TTK: variants seen among roughly 807,000 people sequenced by gnomAD.
TTK encodes the protein TTK protein kinase.
Under a neutral mutation model 117.3 loss-of-function variants are expected in TTK, and 59 were observed. That is an observed-to-expected ratio of 0.50 (90% confidence interval 0.41 to 0.62). The LOEUF (loss-of-function observed/expected upper bound fraction) is 0.62. TTK is among the 20% of genes least tolerant of loss of function. TTK has a pLI of 0.00. For synonymous variants in TTK, 302 were observed against 325.0 expected (o/e 0.93, Z 0.76); for missense variants, 921 against 989.4 (o/e 0.93, Z 0.93).
intron 6 of TTK, 60 bp from the exon 7 acceptor site, chr6:80,011,669 A>T: frequency 6.3e-7 from 1 of 1,581,332 alleles, no homozygotes; most frequent in South Asian, 1.1e-5. Flanking sequence ...TTAGCAGTAG[A>T]GTAGAAATAC....
chr6:80,037,886 A>G, intron 17 of TTK, 81 bp from the exon 18 acceptor site: 1 of 579,556 alleles, frequency 1.7e-6, no homozygotes. Flanking sequence ...TAATAATAAT[A>G]ATAATAATAA....
chr6:80,027,933 G>T lies in TTK; in HGVS notation c.1443G>T (p.Leu481Phe), dbSNP rs778429201. ...VKNDFPPACQ[L>F]STPYGQPACF... ...ATGACTTTCCACCTGCTTGTCAGTT[G>T]TCAACACCTTATGGCCAACCTGCCT... The change falls in exon 13 of 22, where the codon TTG becomes TTT. Residue 481 changes from leucine to phenylalanine, a missense_variant. By Grantham distance (22) the Leu-to-Phe change is conservative. Coordinates refer to ENST00000369798, the MANE Select transcript of TTK (RefSeq NM_003318.5). 6.2e-7 allele frequency: 1 copy of T among 1,608,502 alleles called. No individual in the cohort carries two copies. The highest frequency in any genetic ancestry group is 1.1e-5 in the South Asian group (1 of 90,364).
intron 10 of TTK, among the ~76,000 whole-genome samples, chr6:80,019,838 T>C (rs905073253): frequency 3.3e-5 from 5 of 152,158 alleles, no homozygotes; most frequent in African/African-American, 7.2e-5. Context: ...TATATAGACA[T>C]AGACAAATAT....
Position 80,026,431 on chromosome 6 carries a change from A to G in TTK, c.1311A>G (p.Pro437=), listed in dbSNP as rs2230510. The G allele has an allele frequency of 7.7e-3, 12,417 of 1,613,778 alleles. 681 individuals are homozygous for G. In the African/African-American group the frequency reaches 0.13, roughly 17 times the overall value. The stretch of plus-strand genomic sequence containing the variant: ...TCTTTTCAGTTTCAAAACAGTCACC[A>G]CCAATATCAACATCTAAATGGTTTG... The part of the protein sequence containing the change: ...QPVFSVSKQS[P]PISTSKWFDP... Residue 437 remains proline, a synonymous_variant, in exon 12 of 22, where the codon CCA becomes CCG. Coordinates refer to ENST00000369798, the MANE Select transcript of TTK (RefSeq NM_003318.5).
intron 11 of TTK, among the ~76,000 whole-genome samples, chr6:80,023,753 A>ATTCT (rs1464717157): frequency 1.1e-4 from 16 of 152,212 alleles, no homozygotes; most frequent in Admixed American, 2.0e-4. Flanking sequence ...AGAAGACTAG[A>ATTCT]TTCTTATGTC....
Position 80,011,910 on chromosome 6 carries a change from G to A in TTK, c.826G>A (p.Val276Ile). 6.2e-7 allele frequency: 1 copy of A among 1,612,530 alleles called. No individual in the cohort carries two copies. The highest frequency in any genetic ancestry group is 8.5e-7 in the Non-Finnish European group (1 of 1,179,086). ...GTCATGCCCATTTGGAAGAGTCCCA[G>A]TTAACCTTCTAAATAGCCCAGATTG... ...KQSCPFGRVP[V>I]NLLNSPDCDV... Residue 276 changes from valine (V) to isoleucine (I), a missense_variant, in exon 8 of 22, where the codon GTT becomes ATT. By Grantham distance (29) the Val-to-Ile change is conservative (BLOSUM62 3). Transcript: ENST00000369798.
At chr6:80,040,575 G>A in intron 20 of TTK, 31 bp from the exon 21 acceptor site, 1 of 1,570,438 alleles carries the variant, frequency 6.4e-7, no homozygotes, top group Non-Finnish European at 8.7e-7. Flanking sequence ...TTTTCTTACT[G>A]GTACTAGTGT....
At chr6:80,036,677 G>T in intron 17 of TTK, 78 bp downstream of exon 17, 1 of 1,409,582 alleles carries the variant, frequency 7.1e-7, no homozygotes, top group Non-Finnish European at 9.4e-7. Flanking sequence ...GCAAATGAGT[G>T]TTATATTTTT....
chr6:80,017,281 T>G (rs1487924392), intron 10 of TTK, among the ~76,000 whole-genome samples: 1 of 152,074 alleles, frequency 6.6e-6, no homozygotes, highest in Non-Finnish European at 1.5e-5. Flanking sequence ...TTCATTTTTG[T>G]CTTTTTCTTT....
chr6:80,026,502 A>T lies in TTK; in HGVS notation c.1382A>T (p.Asp461Val), dbSNP rs1767610185. The T allele has an allele frequency of 2.5e-6, 4 of 1,613,676 alleles. No homozygotes were observed. The highest frequency in any genetic ancestry group is 2.5e-6 in the Non-Finnish European group (3 of 1,179,800). The stretch of plus-strand genomic sequence containing the variant: ...ACACCAAGCAGCAATACCTTGGATG[A>T]TTACATGAGCTGGTAATTACTTTGG... ...CKTPSSNTLD[D>V]YMSCFRTPVV... The change falls in exon 12 of 22, where the codon GAT becomes GTT. Residue 461 changes from aspartate (D) to valine (V), a missense_variant. Physicochemically the swap from Asp to Val is radical, Grantham distance 152. Transcript: ENST00000369798.
At chr6:80,020,996 A>G (rs1767443845) in intron 10 of TTK, among the ~76,000 whole-genome samples, 1 of 152,242 alleles carries the variant, frequency 6.6e-6, no homozygotes, top group Non-Finnish European at 1.5e-5. Flanking sequence ...AGTGACCTGC[A>G]TTGGGTCCAG....
In TTK at chr6:80,013,573, A is replaced by G. The variant is rs188834634; in HGVS notation, c.984+207A>G. On this transcript the variant is annotated intron_variant, in intron 9 of 21. Transcript: ENST00000369798. ...TTCTCCAAGATTAAGGTGGTAGAGCAAGGATCAACAATCTTTTAAGAGAAT... is the reference window on the plus strand; with the variant it reads ...TTCTCCAAGATTAAGGTGGTAGAGCGAGGATCAACAATCTTTTAAGAGAAT... 3.0e-4 allele frequency: 125 copies of G among 412,470 alleles called. 1 individual carries two copies. In the East Asian group the frequency reaches 4.3e-3, roughly 14 times the overall value. 25.6% of individuals were successfully genotyped at this position (412,470 alleles called of 1,614,324 possible).
chr6:80,022,602 T>C, intron 11 of TTK, 130 bp downstream of exon 11: 1 of 1,040,854 alleles, frequency 9.6e-7, no homozygotes, highest in Non-Finnish European at 1.3e-6. Flanking sequence ...TTTAAAGGTT[T>C]TTAAAATCAT....
At position 80,037,237 on chromosome 6, in the gene TTK, A is replaced by G. The variant is rs1474604502; in HGVS notation, c.2049+638A>G. ...TGAGTCCACCTTAATCCCAGGAGTA[A>G]AATAGACTTTGTTAGGAGGAATGAT... is the stretch of plus-strand genomic sequence containing the variant. On this transcript the variant is annotated intron_variant, in intron 17 of 21. Transcript: ENST00000369798. 2.6e-5 allele frequency among the ~76,000 whole-genome samples: 4 copies of G among 152,106 alleles called. No homozygotes were observed. The East Asian group carries it at 7.7e-4, about 29-fold the overall frequency.
intron 4 of TTK, among the ~76,000 whole-genome samples, chr6:80,010,406 C>T (rs555258260): frequency 6.7e-6 from 1 of 149,858 alleles, no homozygotes; most frequent in Non-Finnish European, 1.5e-5. Context: ...CTTATTATAG[C>T]ATGTTGTAAG....
At chr6:80,011,575 T>C (rs1767156465) in intron 6 of TTK, 27 bp downstream of exon 6, 8 of 1,580,776 alleles carry the variant, frequency 5.1e-6, no homozygotes, top group Non-Finnish European at 6.9e-6. Flanking sequence ...AGTTTTTAAA[T>C]GTTCATCTTC....
intron 18 of TTK, 52 bp downstream of exon 18, chr6:80,038,099 A>T (rs746037950): frequency 7.4e-7 from 1 of 1,353,294 alleles, no homozygotes; most frequent in South Asian, 1.3e-5. Context: ...TAGGGAATGC[A>T]CTATTTTCTG....
chr6:80,007,762 T>C, intron 2 of TTK, 47 bp from the exon 3 acceptor site: 1 of 1,501,558 alleles, frequency 6.7e-7, no homozygotes, highest in Admixed American at 2.1e-5. Context: ...CAATTTGGCA[T>C]TTGTTTTATG....
chr6:80,037,320 A>AT (rs1441341610), intron 17 of TTK, among the ~76,000 whole-genome samples: 1 of 152,088 alleles, frequency 6.6e-6, no homozygotes, highest in African/African-American at 2.4e-5. Flanking sequence ...TGGCAGATCA[A>AT]TGAGTTGTAA....
Sources: allele counts gnomAD v4.1 joint callset (sites outside exome capture counted in the v4.1 genomes callset), GRCh38; gene constraint gnomAD v4.1.1; transcripts MANE v1.5; gene names NCBI Gene and HGNC (gene_info 2026-07-23, HGNC 2026-07-21).